The following PHF24 variants were observed in gnomAD, a reference collection of about 807,000 sequenced individuals.
PHF24 encodes the protein PHD finger protein 24, also known as Galpha inhibitory interacting protein.
Under a neutral mutation model 42.6 loss-of-function variants are expected in PHF24, and 25 were observed. The ratio of observed to expected loss-of-function variants is 0.59; its 90% CI spans 0.43 to 0.82. PHF24 has a LOEUF of 0.82. Ranked by LOEUF, PHF24 falls within the 40% of genes least tolerant of loss-of-function variation. PHF24 has a pLI of 0.00. For synonymous variants in PHF24, 185 were observed against 204.8 expected (o/e 0.90, Z 0.83); for missense variants, 470 against 538.1 (o/e 0.87, Z 1.25).
the PHF24 span, among the ~76,000 whole-genome samples, chr9:34,919,754 G>A: frequency 6.8e-6 from 1 of 146,266 alleles, no homozygotes; most frequent in Non-Finnish European, 1.5e-5. Context: ...ATATCTATGA[G>A]TTCAATTATT....
chr9:34,905,445 A>T, the PHF24 span, among the ~76,000 whole-genome samples: 1 of 152,268 alleles, frequency 6.6e-6, no homozygotes, highest in Non-Finnish European at 1.5e-5. Context: ...GTGAATTCTG[A>T]TAACTTAAAA....
At chr9:34,910,331 A>C in the PHF24 span, among the ~76,000 whole-genome samples, 2 of 152,156 alleles carry the variant, frequency 1.3e-5, no homozygotes, top group African/African-American at 4.8e-5. Flanking sequence ...AAACATTAAA[A>C]ATTAACTTAG....
chr9:34,678,639 C>CT, the PHF24 span, among the ~76,000 whole-genome samples: 12 of 150,058 alleles, frequency 8.0e-5, no homozygotes, highest in East Asian at 1.2e-3. Flanking sequence ...CTTTCTTTTT[C>CT]TTTTTTTTTG....
chr9:34,681,660 A>G, the PHF24 span, among the ~76,000 whole-genome samples: 65 of 152,376 alleles, frequency 4.3e-4, no homozygotes, highest in East Asian at 0.012. Context: ...AAAATAGAAA[A>G]AGTAGCTGGG....
At chr9:34,892,392 T>A in the PHF24 span, among the ~76,000 whole-genome samples, 1 of 152,198 alleles carries the variant, frequency 6.6e-6, no homozygotes, top group African/African-American at 2.4e-5. Context: ...AAGAAATGGC[T>A]GTTTGTCTGT....
At chr9:34,948,761 G>A in the PHF24 span, among the ~76,000 whole-genome samples, 2 of 152,128 alleles carry the variant, frequency 1.3e-5, no homozygotes, top group African/African-American at 4.8e-5. Context: ...ACACACGACT[G>A]TATTTCACAG....
the PHF24 span, chr9:34,833,583 G>A: frequency 1.3e-6 from 2 of 1,550,678 alleles, no homozygotes; most frequent in Non-Finnish European, 1.7e-6. Context: ...GCCCTAATGG[G>A]AATTCCCCAT....
At chr9:34,758,771 C>T in the PHF24 span, among the ~76,000 whole-genome samples, 4 of 152,126 alleles carry the variant, frequency 2.6e-5, no homozygotes, top group African/African-American at 9.7e-5. The surrounding 1 kb of genome is among the most constrained non-coding windows in gnomAD (Gnocchi z 4.4). Context: ...TATTAGGCAG[C>T]TCTCTATACT....
chr9:34,698,446 C>T, the PHF24 span, among the ~76,000 whole-genome samples: 1 of 152,020 alleles, frequency 6.6e-6, no homozygotes, highest in Non-Finnish European at 1.5e-5. Flanking sequence ...AAATGTACTA[C>T]TGCAAAATGG....
the PHF24 span, among the ~76,000 whole-genome samples, chr9:34,819,031 T>C: frequency 8.5e-5 from 13 of 152,188 alleles, no homozygotes; most frequent in African/African-American, 3.1e-4. Context: ...TGAACTTTTA[T>C]AGTTTATATC....
chr9:34,866,829 T>C, the PHF24 span, among the ~76,000 whole-genome samples: 1 of 152,300 alleles, frequency 6.6e-6, no homozygotes, highest in East Asian at 1.9e-4. Flanking sequence ...TATTTTTAGT[T>C]TCCATTTCTG....
chr9:34,806,108 T>A, the PHF24 span, among the ~76,000 whole-genome samples: 5 of 152,218 alleles, frequency 3.3e-5, no homozygotes, highest in Non-Finnish European at 4.4e-5. Flanking sequence ...CCACACTGAC[T>A]TAATTACTGT....
At chr9:34,710,847 C>T in the PHF24 span, among the ~76,000 whole-genome samples, 1 of 152,134 alleles carries the variant, frequency 6.6e-6, no homozygotes, top group Non-Finnish European at 1.5e-5. Context: ...GTCTTGAACT[C>T]CTGGGCTCAA....
the PHF24 span, among the ~76,000 whole-genome samples, chr9:34,743,113 T>C: frequency 6.6e-6 from 1 of 152,202 alleles, no homozygotes; most frequent in Non-Finnish European, 1.5e-5. Flanking sequence ...CACTTGAACA[T>C]TTTCCCCAAG....
chr9:34,920,676 G>T, the PHF24 span, among the ~76,000 whole-genome samples: 22 of 151,720 alleles, frequency 1.5e-4, no homozygotes, highest in African/African-American at 5.3e-4. Context: ...TCAATTTCTT[G>T]CATCAATGTC....
At chr9:34,690,126 G>C in the PHF24 span, 1 of 1,588,860 alleles carries the variant, frequency 6.3e-7, no homozygotes, top group African/African-American at 1.3e-5. Context: ...GTTGGGCTTG[G>C]CATGGAGAAG....
chr9:34,789,127 A>G, the PHF24 span, among the ~76,000 whole-genome samples: 5 of 152,138 alleles, frequency 3.3e-5, no homozygotes, highest in African/African-American at 4.8e-5. Context: ...GGATAAAGGC[A>G]GGGACTTAAG....
the PHF24 span, among the ~76,000 whole-genome samples, chr9:34,846,270 G>A: frequency 4.9e-4 from 75 of 152,170 alleles, no homozygotes; most frequent in African/African-American, 1.4e-3. Flanking sequence ...TGTTTTTCCC[G>A]ACTTTTTAAT....
the PHF24 span, chr9:34,838,436 A>T: frequency 7.6e-7 from 1 of 1,309,938 alleles, no homozygotes; most frequent in Non-Finnish European, 1.1e-6. Context: ...ATGAAGATGG[A>T]GCCATAGGTG....
Sources: gnomAD v4.1 joint callset for allele counts (sites outside exome capture counted in the v4.1 genomes callset) on GRCh38, gnomAD v4.1.1 for gene constraint, Gnocchi (gnomAD v3.1) non-coding constraint, MANE v1.5 for transcripts, NCBI Gene and HGNC (gene_info 2026-07-23, HGNC 2026-07-21) for gene names.